PGM5: variants seen among roughly 807,000 people sequenced by gnomAD.
PGM5 encodes phosphoglucomutase-like protein 5.
In PGM5, 23 loss-of-function variants were observed where a neutral mutation model predicts 59.2. The observed-to-expected ratio is 0.39, with a 90% CI of 0.28 to 0.55. The LOEUF (loss-of-function observed/expected upper bound fraction) is 0.55. Among genes scored for constraint, PGM5 ranks in the 20% least tolerant of loss-of-function variants. The pLI is 0.66. For missense variants in PGM5, 574 were observed against 748.3 expected (o/e 0.77, Z 2.72); for synonymous variants, 214 against 286.0 (o/e 0.75, Z 2.54).
intron 6 of PGM5, among the ~76,000 whole-genome samples, chr9:68,424,080 G>A (rs1170872300): frequency 6.6e-5 from 10 of 152,048 alleles, no homozygotes; most frequent in South Asian, 2.1e-4. Context: ...TCTGCCCTCC[G>A]CAAGCCTCAG....
chr9:68,490,559 T>C (rs1554687814), intron 9 of PGM5, among the ~76,000 whole-genome samples: 1 of 152,238 alleles, frequency 6.6e-6, no homozygotes, highest in Non-Finnish European at 1.5e-5. Flanking sequence ...TTCACCATGT[T>C]GGTCAGGCTA....
intron 3 of PGM5, among the ~76,000 whole-genome samples, chr9:68,386,859 G>A (rs1396365640): frequency 6.6e-6 from 1 of 152,002 alleles, no homozygotes; most frequent in African/African-American, 2.4e-5. Context: ...AAGCATTTGT[G>A]TTTAATGAGA....
Position 68,411,484 on chromosome 9 carries a change from G to GTATATA in PGM5, c.1043+19012_1043+19013insATATAT, listed in dbSNP as rs782186409. Among the ~76,000 whole-genome samples the GTATATA allele has an allele frequency of 4.5e-3, 479 of 105,932 alleles. 1 individual carries two copies. Among genetic ancestry groups the GTATATA allele is most frequent in the African/African-American group, 0.012 (360 of 31,016 alleles). 69.5% of individuals were successfully genotyped at this position (105,932 alleles called of 152,430 possible). ...AAATATATAATGTGTGTGTGTGTGT[G>GTATATA]TGTGTATATATATATATATGATTTT... is the stretch of plus-strand genomic sequence containing the variant. On this transcript the variant is annotated intron_variant, in intron 6 of 10. Coordinates refer to ENST00000396396, the MANE Select transcript of PGM5 (RefSeq NM_021965.4).
chr9:68,423,629 ATCTC>A (rs368417025), intron 6 of PGM5, among the ~76,000 whole-genome samples: 97 of 129,336 alleles, frequency 7.5e-4, no homozygotes, highest in Middle Eastern at 3.9e-3. Flanking sequence ...AGAGCACAAA[ATCTC>A]TCTCTCTCTC....
At chr9:68,502,252 T>A (rs1262406161) in intron 10 of PGM5, among the ~76,000 whole-genome samples, 1 of 152,182 alleles carries the variant, frequency 6.6e-6, no homozygotes, top group Non-Finnish European at 1.5e-5. Flanking sequence ...CAAGTTTATT[T>A]TAATTTTACC....
chr9:68,387,855 A>C (rs549911234), intron 4 of PGM5, among the ~76,000 whole-genome samples: 5 of 152,104 alleles, frequency 3.3e-5, no homozygotes, highest in African/African-American at 1.2e-4. Flanking sequence ...GATCATATGC[A>C]TGGCATAGTT....
At chr9:68,470,670 GA>G (rs1554686166) in intron 7 of PGM5, among the ~76,000 whole-genome samples, 1 of 152,220 alleles carries the variant, frequency 6.6e-6, no homozygotes, top group African/African-American at 2.4e-5. Context: ...CTAGGAGAGA[GA>G]AAGAGGCCAT....
At position 68,360,249 on chromosome 9, in the gene PGM5, TAA is replaced by T. The variant is rs562658195; in HGVS notation, c.261+2863_261+2864del. Among the ~76,000 whole-genome samples, 862 of 152,152 alleles carry T rather than the reference TAA, an allele frequency of 5.7e-3. 11 individuals carry two copies. Among genetic ancestry groups the T allele is most frequent in the African/African-American group, 0.02 (811 of 41,528 alleles). On this transcript the variant is annotated intron_variant, in intron 1 of 10. Transcript: ENST00000396396. Reference sequence around the variant, plus strand: ...ATATTACTTATATTTTAATATCTCATAAAGTTTGAAATAGACATTTCAAACAT... The same window carrying T: ...ATATTACTTATATTTTAATATCTCATAGTTTGAAATAGACATTTCAAACAT...
At chr9:68,474,645 T>C (rs568637523) in intron 7 of PGM5, among the ~76,000 whole-genome samples, 1 of 151,796 alleles carries the variant, frequency 6.6e-6, no homozygotes, top group South Asian at 2.1e-4. Flanking sequence ...CTCCTTCTGG[T>C]ATGTGGATGG....
chr9:68,455,593 A>G (rs1239812143), intron 6 of PGM5, among the ~76,000 whole-genome samples: 1 of 152,054 alleles, frequency 6.6e-6, no homozygotes, highest in Non-Finnish European at 1.5e-5. Flanking sequence ...AGGCTAATTA[A>G]TTACAGTTGG....
intron 1 of PGM5, among the ~76,000 whole-genome samples, chr9:68,361,229 G>A (rs1834572965): frequency 6.6e-6 from 1 of 152,170 alleles, no homozygotes; most frequent in Non-Finnish European, 1.5e-5. Flanking sequence ...CTAATCAAGG[G>A]ACACACATTG....
At chr9:68,463,909 A>G (rs1376463708) in intron 6 of PGM5, among the ~76,000 whole-genome samples, 4 of 152,188 alleles carry the variant, frequency 2.6e-5, no homozygotes, top group African/African-American at 7.2e-5. Flanking sequence ...CAACCCCACC[A>G]TAAGTCATAG....
intron 6 of PGM5, chr9:68,396,899 A>G (rs1822520394): frequency 6.6e-6 from 1 of 152,228 alleles, no homozygotes; most frequent in Non-Finnish European, 1.5e-5. Context: ...CCATTAAATG[A>G]CACACTTGCC....
At chr9:68,386,857 G>A (rs1441238375) in intron 3 of PGM5, among the ~76,000 whole-genome samples, 6 of 152,020 alleles carry the variant, frequency 3.9e-5, no homozygotes, top group African/African-American at 1.4e-4. Context: ...GAAAGCATTT[G>A]TGTTTAATGA....
At chr9:68,435,837 A>T (rs1306967102) in intron 6 of PGM5, among the ~76,000 whole-genome samples, 4 of 152,166 alleles carry the variant, frequency 2.6e-5, no homozygotes, top group African/African-American at 9.7e-5. Flanking sequence ...CTCATTTACT[A>T]CAGTAGAAAC....
chr9:68,367,992 G>A (rs1303838912), intron 1 of PGM5, among the ~76,000 whole-genome samples: 113 of 152,176 alleles, frequency 7.4e-4, no homozygotes, highest in African/African-American at 2.5e-3. Flanking sequence ...ATATTTATAC[G>A]TATCTATACA....
intron 1 of PGM5, among the ~76,000 whole-genome samples, chr9:68,363,186 A>G (rs1385078663): frequency 6.6e-6 from 1 of 152,126 alleles, no homozygotes; most frequent in African/African-American, 2.4e-5. Flanking sequence ...GACTTTTTCT[A>G]AAGTCTTCTT....
chr9:68,517,595 G>A (rs1824842367), intron 10 of PGM5, among the ~76,000 whole-genome samples: 1 of 152,178 alleles, frequency 6.6e-6, no homozygotes, highest in Admixed American at 6.5e-5. Context: ...ATGCTCAGCT[G>A]TCTTTAATTA....
Position 68,499,510 on chromosome 9 carries a change from A to G in PGM5, c.1614+149A>G, listed in dbSNP as rs1192702185. ...GACAAGCTCAGGGCAACTCCAAGCA[A>G]GTTTAATTCGTTCATTACAGTGTTT... On this transcript the variant is annotated intron_variant, in intron 10 of 10. Transcript: ENST00000396396. 5.1e-6 allele frequency: 4 copies of G among 781,416 alleles called. No individual in the cohort carries two copies. In the African/African-American group the frequency reaches 7.0e-5, roughly 14 times the overall value. 48.4% of individuals were successfully genotyped at this position (781,416 alleles called of 1,614,324 possible).
Sources: allele counts gnomAD v4.1 joint callset (sites outside exome capture counted in the v4.1 genomes callset), GRCh38; gene constraint gnomAD v4.1.1; transcripts MANE v1.5; gene names NCBI Gene and HGNC (gene_info 2026-07-23, HGNC 2026-07-21).